FER1L6: variants seen among roughly 807,000 people sequenced by gnomAD.
FER1L6 encodes fer-1-like protein 6.
In FER1L6, 177 loss-of-function variants were observed where a neutral mutation model predicts 219.2. The observed-to-expected ratio is 0.81, with a 90% confidence interval of 0.71 to 0.91. The LOEUF is 0.91. Ranked by LOEUF, FER1L6 falls within the 40% of genes least tolerant of loss-of-function variation. The pLI, the probability that FER1L6 is intolerant of heterozygous loss-of-function variation, is 0.00. For synonymous variants in FER1L6, 768 were observed against 824.3 expected (o/e 0.93, Z 1.17); for missense variants, 2,153 against 2,259.9 (o/e 0.95, Z 0.96).
Position 124,076,206 on chromosome 8 carries a change from T to C in FER1L6, c.4101T>C (p.Asn1367=). The change falls in exon 32 of 41, where the codon AAT becomes AAC. Residue 1367 remains asparagine (N), a synonymous_variant. Coordinates refer to ENST00000522917, the MANE Select transcript of FER1L6 (RefSeq NM_001039112.2). ...LIRVYIVAAF[N]LSPADPDGKS... Reference sequence around the variant, plus strand: ...TTCTTTTTCCTTTCCAGGCATTTAATCTTAGTCCAGCTGATCCAGATGGCA... The same window carrying C: ...TTCTTTTTCCTTTCCAGGCATTTAACCTTAGTCCAGCTGATCCAGATGGCA... 1 of 1,614,014 alleles carries C rather than the reference T, an allele frequency of 6.2e-7. No homozygotes were observed. The highest frequency in any genetic ancestry group is 2.2e-5 in the East Asian group (1 of 44,886).
At chr8:123,856,354 G>A (rs1287603443) in intron 1 of FER1L6, among the ~76,000 whole-genome samples, 1 of 78,020 alleles carries the variant, frequency 1.3e-5, no homozygotes, top group Non-Finnish European at 2.7e-5. Flanking sequence ...ATATATTAGG[G>A]TCCAGGCCTC....
At chr8:123,963,234 C>CA (rs1377142940) in intron 2 of FER1L6, 44 bp from the exon 3 acceptor site, 1 of 1,610,464 alleles carries the variant, frequency 6.2e-7, no homozygotes, top group East Asian at 2.2e-5. Flanking sequence ...ATTGCCACCA[C>CA]ATGTCAATTT....
intron 34 of FER1L6, among the ~76,000 whole-genome samples, chr8:124,094,046 T>C (rs1050135470): frequency 6.6e-6 from 1 of 152,160 alleles, no homozygotes; most frequent in Non-Finnish European, 1.5e-5. Context: ...GTAGTTTTTA[T>C]CATGAATAAC....
intron 11 of FER1L6, chr8:123,985,132 A>C (rs1816508531): frequency 6.6e-6 from 1 of 152,238 alleles, no homozygotes. Flanking sequence ...CTCCTTGAGA[A>C]GGCAGCCTTG....
At chr8:123,885,889 C>T (rs1040910347) in intron 1 of FER1L6, among the ~76,000 whole-genome samples, 8 of 152,206 alleles carry the variant, frequency 5.3e-5, no homozygotes, top group African/African-American at 1.4e-4. Flanking sequence ...TCATCACCTT[C>T]CTCCCCCACT....
rs1206825287 is a variant in FER1L6 at position 123,983,762 on chromosome 8, A to G, written c.1411-2306A>G. On this transcript the variant is annotated intron_variant, in intron 11 of 40. Transcript: ENST00000522917. ...TTCTCAACCTCTTATTAAGGATTTG[A>G]TAAATGAATATATGCAAATATGCTC... 2.0e-5 allele frequency among the ~76,000 whole-genome samples: 3 copies of G among 152,350 alleles called. No homozygotes were observed. The East Asian group carries it at 5.8e-4, about 29-fold the overall frequency.
chr8:124,028,623 TTC>T (rs1818821887), intron 18 of FER1L6, among the ~76,000 whole-genome samples: 1 of 152,178 alleles, frequency 6.6e-6, no homozygotes, highest in South Asian at 2.1e-4. Context: ...AGAGCTGCTG[TTC>T]TTTGAGTGGC....
At chr8:124,083,669 A>AG in intron 33 of FER1L6, among the ~76,000 whole-genome samples, 1 of 152,166 alleles carries the variant, frequency 6.6e-6, no homozygotes, top group African/African-American at 2.4e-5. Flanking sequence ...TCTGGTTACT[A>AG]TAGCTCTGTA....
At chr8:124,073,722 G>A (rs1028416840) in intron 31 of FER1L6, among the ~76,000 whole-genome samples, 2 of 152,086 alleles carry the variant, frequency 1.3e-5, no homozygotes, top group African/African-American at 4.8e-5. Context: ...TGTCCTAGAG[G>A]TAAAGTAATG....
Position 124,021,686 on chromosome 8 carries a change from G to A in FER1L6, c.2133+17G>A, listed in dbSNP as rs368505878. 83 of 1,613,196 alleles carry A rather than the reference G, an allele frequency of 5.1e-5. No homozygotes were observed. In the African/African-American group the frequency reaches 8.9e-4, roughly 17 times the overall value. On this transcript the variant is annotated intron_variant, in intron 17 of 40. Transcript: ENST00000522917. Reference sequence around the variant, plus strand: ...GTTGATGAGGTAACTGACTCTAAAGGCAAACCTCATTTGGAAGGTTAGATG... The same window carrying A: ...GTTGATGAGGTAACTGACTCTAAAGACAAACCTCATTTGGAAGGTTAGATG...
intron 1 of FER1L6, among the ~76,000 whole-genome samples, chr8:123,919,207 GC>G (rs1329267853): frequency 6.6e-6 from 1 of 152,212 alleles, no homozygotes; most frequent in East Asian, 1.9e-4. Flanking sequence ...GTCCAGGCTT[GC>G]TAGAGCATAA....
intron 1 of FER1L6, among the ~76,000 whole-genome samples, chr8:123,898,969 T>A (rs979160420): frequency 2.6e-5 from 4 of 151,834 alleles, no homozygotes; most frequent in African/African-American, 9.7e-5. Context: ...TAAACATGCA[T>A]GTGCAAGTAT....
intron 1 of FER1L6, among the ~76,000 whole-genome samples, chr8:123,902,664 G>A (rs1812879829): frequency 6.6e-6 from 1 of 152,064 alleles, no homozygotes; most frequent in South Asian, 2.1e-4. Context: ...ACCCCTTTAA[G>A]TTTATGTGAG....
At chr8:123,868,382 A>G (rs530842727) in intron 1 of FER1L6, among the ~76,000 whole-genome samples, 1 of 152,308 alleles carries the variant, frequency 6.6e-6, no homozygotes, top group African/African-American at 2.4e-5. Flanking sequence ...ACATAGCATC[A>G]TTTCTAGGGC....
intron 20 of FER1L6, among the ~76,000 whole-genome samples, chr8:124,040,238 G>T (rs1819423926): frequency 6.6e-6 from 1 of 152,234 alleles, no homozygotes; most frequent in African/African-American, 2.4e-5. Context: ...CTGAGGCGAA[G>T]GAAGGCTGGG....
intron 5 of FER1L6, among the ~76,000 whole-genome samples, chr8:123,968,649 A>C (rs543979296): frequency 6.6e-6 from 1 of 152,230 alleles, no homozygotes; most frequent in Admixed American, 6.5e-5. Flanking sequence ...GAAAAAGTTT[A>C]AGCATATATA....
chr8:124,102,264 G>T (rs373950365), intron 38 of FER1L6, among the ~76,000 whole-genome samples: 1 of 152,090 alleles, frequency 6.6e-6, no homozygotes. Context: ...TGGTTGGGGG[G>T]CTTAAAATTT....
chr8:124,040,012 C>T lies in FER1L6; in HGVS notation c.2589+6C>T, dbSNP rs1819411029. The T allele has an allele frequency of 1.9e-6, 3 of 1,614,024 alleles. No homozygotes were observed. In the South Asian group the frequency reaches 3.3e-5, roughly 18 times the overall value. Reference sequence around the variant, plus strand: ...CTCACTGCCAGACAACAAAGGTAACCAGGGTAACCAAGACAGCCTGCTTCT... The same window carrying T: ...CTCACTGCCAGACAACAAAGGTAACTAGGGTAACCAAGACAGCCTGCTTCT... On this transcript the variant is annotated splice_donor_region_variant and intron_variant, in intron 20 of 40. Transcript: ENST00000522917.
chr8:124,037,040 C>T (rs1220353264), intron 19 of FER1L6, among the ~76,000 whole-genome samples: 1 of 152,176 alleles, frequency 6.6e-6, no homozygotes, highest in African/African-American at 2.4e-5. Flanking sequence ...AAGTAAAAAG[C>T]AAGCCATAGC....
Sources: allele counts gnomAD v4.1 joint callset (sites outside exome capture counted in the v4.1 genomes callset), GRCh38; gene constraint gnomAD v4.1.1; transcripts MANE v1.5; gene names NCBI Gene and HGNC (gene_info 2026-07-23, HGNC 2026-07-21).